The following GPR39 variants were observed in gnomAD, a reference collection of about 807,000 sequenced individuals.
GPR39 encodes zinc sensing receptor.
A neutral mutation model predicts 18.4 loss-of-function variants in GPR39; 23 were observed. The ratio of observed to expected loss-of-function variants is 1.25; its 90% confidence interval spans 0.90 to 1.77. The LOEUF is 1.77. Ranked by LOEUF, GPR39 falls within the 40% of genes most tolerant of loss-of-function variation. The pLI is 0.00. For missense variants in GPR39, 647 were observed against 602.4 expected, an observed-to-expected ratio of 1.07 and a Z score of -0.78; for synonymous variants, 280 against 257.9, an observed-to-expected ratio of 1.09 and a Z score of -0.82.
intron 1 of GPR39, among the ~76,000 whole-genome samples, chr2:132,458,161 A>G (rs1159334191): frequency 6.6e-6 from 1 of 152,060 alleles, no homozygotes; most frequent in African/African-American, 2.4e-5. Flanking sequence ...AGTCCCAATG[A>G]GATGAACCAG....
rs561821944 is a variant in GPR39, at chr2:132,642,102, A to G, written c.857-2999A>G. Among the ~76,000 whole-genome samples, 3 of 152,342 alleles carry G rather than the reference A, an allele frequency of 2.0e-5. No individual in the cohort carries two copies. In the Middle Eastern group the frequency reaches 0.01, roughly 518 times the overall value. ...ATGGGAAATTAGCAGAGTGCTTAGC[A>G]CAGAAACTGGCTTAGGAAAAACTCA... is the stretch of plus-strand genomic sequence containing the variant. On this transcript the variant is annotated intron_variant, in intron 1 of 1. Transcript: ENST00000329321.
At chr2:132,592,640 A>G (rs1188623082) in intron 1 of GPR39, among the ~76,000 whole-genome samples, 7 of 152,214 alleles carry the variant, frequency 4.6e-5, no homozygotes, top group Admixed American at 4.6e-4. Flanking sequence ...TGGGTAGCAG[A>G]GACTAAAGGG....
chr2:132,479,995 C>T lies in GPR39; in HGVS notation c.856+62097C>T, dbSNP rs369614248. On this transcript the variant is annotated intron_variant, in intron 1 of 1. Coordinates refer to ENST00000329321, the MANE Select transcript of GPR39 (RefSeq NM_001508.3). ...ATGGTACAGCCACTGTGGAAAACAC[C>T]GTTTGCCATAGCCAAGAGATGGAAG... Among the ~76,000 whole-genome samples the T allele has an allele frequency of 9.2e-5, 14 of 152,240 alleles. No individual in the cohort carries two copies. In the East Asian group the frequency reaches 1.9e-3, roughly 21 times the overall value.
intron 1 of GPR39, among the ~76,000 whole-genome samples, chr2:132,522,347 C>T (rs1335469128): frequency 6.6e-6 from 1 of 152,166 alleles, no homozygotes; most frequent in Non-Finnish European, 1.5e-5. Context: ...CTCTGCCTCC[C>T]TACAGCCCCC....
At chr2:132,425,657 G>C (rs1680106772) in intron 1 of GPR39, among the ~76,000 whole-genome samples, 1 of 152,200 alleles carries the variant, frequency 6.6e-6, no homozygotes, top group Non-Finnish European at 1.5e-5. Context: ...AAAATAGGGA[G>C]ATTTTCTGTG....
chr2:132,629,956 T>C (rs746647045), intron 1 of GPR39, among the ~76,000 whole-genome samples: 11 of 152,254 alleles, frequency 7.2e-5, no homozygotes, highest in Non-Finnish European at 1.3e-4. Flanking sequence ...ACCAAATTGG[T>C]TCAACGATAG....
intron 1 of GPR39, among the ~76,000 whole-genome samples, chr2:132,586,363 T>G (rs1680732614): frequency 6.6e-6 from 1 of 152,120 alleles, no homozygotes; most frequent in Admixed American, 6.5e-5. Context: ...AACGGTCTGG[T>G]GACAGGCGCG....
At chr2:132,526,203 T>G (rs1447214204) in intron 1 of GPR39, among the ~76,000 whole-genome samples, 1 of 152,180 alleles carries the variant, frequency 6.6e-6, no homozygotes, top group East Asian at 1.9e-4. Context: ...CAGACCTTAT[T>G]GGAGATGTTT....
chr2:132,617,797 C>T (rs1681364160), intron 1 of GPR39, among the ~76,000 whole-genome samples: 1 of 152,208 alleles, frequency 6.6e-6, no homozygotes, highest in Non-Finnish European at 1.5e-5. Context: ...AGTTCAAACA[C>T]AGGCCACACA....
chr2:132,574,131 A>G (rs13407591), intron 1 of GPR39, among the ~76,000 whole-genome samples: 10,123 of 152,216 alleles, frequency 0.067, 439 homozygotes, highest in Non-Finnish European at 0.1. Flanking sequence ...GTATTTAAAC[A>G]TTTCTCACTC....
chr2:132,622,809 G>A (rs1681465861), intron 1 of GPR39, among the ~76,000 whole-genome samples: 1 of 152,156 alleles, frequency 6.6e-6, no homozygotes, highest in Admixed American at 6.5e-5. Flanking sequence ...CCACATTGTA[G>A]TAGATCAAAA....
At chr2:132,582,641 G>C (rs902199982) in intron 1 of GPR39, among the ~76,000 whole-genome samples, 4 of 152,176 alleles carry the variant, frequency 2.6e-5, no homozygotes, top group Non-Finnish European at 4.4e-5. Flanking sequence ...CAAGGTGCCT[G>C]AGCAGCCTGA....
intron 1 of GPR39, among the ~76,000 whole-genome samples, chr2:132,456,475 T>C (rs1189072492): frequency 6.6e-6 from 1 of 152,236 alleles, no homozygotes; most frequent in African/African-American, 2.4e-5. Flanking sequence ...TTGGCCCATT[T>C]ACATTTAAGG....
chr2:132,444,440 G>T (rs28515636), intron 1 of GPR39, among the ~76,000 whole-genome samples: 76,976 of 151,960 alleles, frequency 0.51, 21,197 homozygotes, highest in Non-Finnish European at 0.62. Flanking sequence ...GCAGGCACAC[G>T]CCCATACCCA....
intron 1 of GPR39, among the ~76,000 whole-genome samples, chr2:132,623,548 G>C: frequency 6.6e-6 from 1 of 152,142 alleles, no homozygotes; most frequent in East Asian, 1.9e-4. Context: ...TCCTCGCCCT[G>C]CCCTTCAAAA....
At chr2:132,609,956 A>C (rs72841249) in intron 1 of GPR39, among the ~76,000 whole-genome samples, 27,007 of 151,822 alleles carry the variant, frequency 0.18, 2,517 homozygotes, top group Admixed American at 0.23. Context: ...TAGTTCTGCA[A>C]AGCCTTCCCC....
At chr2:132,419,742 T>A (rs1372216593) in intron 1 of GPR39, among the ~76,000 whole-genome samples, 1 of 151,538 alleles carries the variant, frequency 6.6e-6, no homozygotes, top group African/African-American at 2.4e-5. Flanking sequence ...TTAAATTTCC[T>A]TTTTTTTTGA....
chr2:132,599,507 T>A (rs1014049903), intron 1 of GPR39, among the ~76,000 whole-genome samples: 2 of 152,230 alleles, frequency 1.3e-5, no homozygotes, highest in Non-Finnish European at 2.9e-5. Context: ...ATTTCTGGAC[T>A]GCTTAGATTC....
rs1680761784 is a variant in GPR39 at position 132,587,990 on chromosome 2, G to A, written c.857-57111G>A. ...TAAGGTTCATGAGTTTCATGGTAAG[G>A]GTGCTGAGGTGTCTTACTTGGGCCT... On this transcript the variant is annotated intron_variant, in intron 1 of 1. Coordinates refer to ENST00000329321, the MANE Select transcript of GPR39 (RefSeq NM_001508.3). Among the ~76,000 whole-genome samples, 3 of 152,206 alleles carry A rather than the reference G, an allele frequency of 2.0e-5. No homozygotes were observed. In the South Asian group the frequency reaches 6.2e-4, roughly 31 times the overall value.
Sources: allele counts gnomAD v4.1 joint callset (sites outside exome capture counted in the v4.1 genomes callset), GRCh38; gene constraint gnomAD v4.1.1; transcripts MANE v1.5; gene names NCBI Gene and HGNC (gene_info 2026-07-23, HGNC 2026-07-21).